Variants in NHEJ1 observed in about 807,000 individuals in gnomAD.
NHEJ1 encodes the protein non-homologous end joining factor 1.
In NHEJ1, 22 loss-of-function variants were observed where a neutral mutation model predicts 39.4. The observed-to-expected ratio is 0.56, with a 90% confidence interval of 0.40 to 0.80. The LOEUF is 0.80. Ranked by LOEUF, NHEJ1 falls within the 30% of genes least tolerant of loss-of-function variation. The probability of loss-of-function intolerance (pLI) is 0.00; values close to 1 mark genes in which losing one functional copy is unlikely to be tolerated. For synonymous variants in NHEJ1, 154 were observed against 135.6 expected, an observed-to-expected ratio of 1.14 and a Z score of -0.94; for missense variants, 329 against 357.1, an observed-to-expected ratio of 0.92 and a Z score of 0.63.
chr2:219,082,326 G>A (rs1949074814), intron 5 of NHEJ1, among the ~76,000 whole-genome samples: 1 of 152,172 alleles, frequency 6.6e-6, no homozygotes, highest in South Asian at 2.1e-4. Context: ...TGTCCCTACT[G>A]CAGCCCATCT....
At chr2:219,104,620 G>A (rs577836245) in intron 5 of NHEJ1, among the ~76,000 whole-genome samples, 15 of 152,282 alleles carry the variant, frequency 9.9e-5, no homozygotes, top group African/African-American at 3.6e-4. Flanking sequence ...ACAGAAGGTG[G>A]TAGAGAAAGA....
intron 5 of NHEJ1, among the ~76,000 whole-genome samples, chr2:219,136,805 GTTGGCCAGGCTGAT>G (rs1559199473): frequency 6.6e-6 from 1 of 151,966 alleles, no homozygotes; most frequent in East Asian, 1.9e-4. Context: ...GTTTCGCCAT[GTTGGCCAGGCTGAT>G]CTCAAACTCC....
At chr2:219,157,415 C>T (rs149818970) in intron 3 of NHEJ1, 57 bp downstream of exon 3, 85 of 1,479,308 alleles carry the variant, frequency 5.7e-5, no homozygotes, top group Non-Finnish European at 7.7e-5. Context: ...GCACCTAAAG[C>T]TTCCTCTCAA....
chr2:219,152,376 C>A (rs954050153), intron 3 of NHEJ1, among the ~76,000 whole-genome samples: 1 of 152,104 alleles, frequency 6.6e-6, no homozygotes, highest in Non-Finnish European at 1.5e-5. Context: ...GAGGCTAAAG[C>A]GGGAGAATCA....
intron 5 of NHEJ1, among the ~76,000 whole-genome samples, chr2:219,098,924 T>C (rs1174291785): frequency 1.3e-5 from 2 of 152,070 alleles, no homozygotes; most frequent in African/African-American, 4.8e-5. Flanking sequence ...AAATGGGCAA[T>C]AAAATCAGAA....
chr2:219,111,377 A>G lies in NHEJ1; in HGVS notation c.589-33171T>C, dbSNP rs570648725. 6.6e-6 allele frequency among the ~76,000 whole-genome samples: 1 copy of G among 152,330 alleles called. No homozygotes were observed. The highest frequency in any genetic ancestry group is 1.5e-5 in the Non-Finnish European group (1 of 68,022). On this transcript the variant is annotated intron_variant, in intron 5 of 7. Coordinates refer to ENST00000356853, the MANE Select transcript of NHEJ1 (RefSeq NM_024782.3). The surrounding 1 kb of genome is among the most constrained non-coding windows in gnomAD (Gnocchi z 4.1). ...GGTACAGCTTTTAAAAGAGGGGACCAGCTCTCAAATCCTGCATTCTAGAAA... is the reference window on the plus strand; with the variant it reads ...GGTACAGCTTTTAAAAGAGGGGACCGGCTCTCAAATCCTGCATTCTAGAAA...
At chr2:219,139,071 C>T (rs532002572) in intron 5 of NHEJ1, among the ~76,000 whole-genome samples, 13 of 151,988 alleles carry the variant, frequency 8.6e-5, no homozygotes, top group African/African-American at 2.2e-4. Context: ...GTCTTGGTTT[C>T]GTTTCTCATT....
At chr2:219,134,213 A>G (rs1218617894) in intron 5 of NHEJ1, among the ~76,000 whole-genome samples, 3 of 152,230 alleles carry the variant, frequency 2.0e-5, no homozygotes, top group Non-Finnish European at 4.4e-5. Context: ...TCTCCTGCAC[A>G]TGACTGTGGC....
At chr2:219,082,528 T>C (rs1278889256) in intron 5 of NHEJ1, among the ~76,000 whole-genome samples, 3 of 152,182 alleles carry the variant, frequency 2.0e-5, no homozygotes, top group Admixed American at 6.5e-5. Context: ...TCTGAGACTG[T>C]TTCAGAAAAG....
chr2:219,158,817 C>T (rs141301480), intron 1 of NHEJ1: 1 of 180,772 alleles, frequency 5.5e-6, no homozygotes, highest in African/African-American at 2.4e-5. Context: ...GTGTCAGGGC[C>T]AGGAAATTCG....
intron 3 of NHEJ1, among the ~76,000 whole-genome samples, chr2:219,154,232 A>G (rs576627218): frequency 2.0e-5 from 3 of 152,328 alleles, no homozygotes; most frequent in East Asian, 1.9e-4. Context: ...GGAAGGTACT[A>G]AACAGTGCGT....
chr2:219,141,011 C>T (rs1478714924), intron 5 of NHEJ1, among the ~76,000 whole-genome samples: 2 of 152,136 alleles, frequency 1.3e-5, no homozygotes, highest in African/African-American at 4.8e-5. Flanking sequence ...TCTGACAAAA[C>T]TACAAATTCA....
chr2:219,157,559 T>A lies in NHEJ1; in HGVS notation c.303A>T (p.Ala101=). Residue 101 remains alanine, a synonymous_variant, in exon 3 of 8, where the codon GCA becomes GCT. Transcript: ENST00000356853. The part of the protein sequence containing the change: ...SEATFSCDCV[A]DALILRVRSE... ...TTCGCACCCGTAGAATCAGTGCATC[T>A]GCCACACAATCACAGGAGAAGGTAG... The A allele has an allele frequency of 6.2e-7, 1 of 1,614,210 alleles. No individual in the cohort carries two copies. The highest frequency in any genetic ancestry group is 8.5e-7 in the Non-Finnish European group (1 of 1,180,036).
Position 219,080,584 on chromosome 2 carries a change from C to CGCTTATATATATATGCTAATATATATAA in NHEJ1, c.589-2406_589-2379dup, listed in dbSNP as rs1559185842. Among the ~76,000 whole-genome samples the CGCTTATATATATATGCTAATATATATAA allele has an allele frequency of 6.2e-5, 5 of 80,660 alleles. No individual in the cohort carries two copies. The East Asian group carries it at 1.1e-3, about 17-fold the overall frequency. 52.9% of individuals were successfully genotyped at this position (80,660 alleles called of 152,430 possible). A position where few individuals can be genotyped will look rare whatever the true frequency, so the allele number is the denominator to read the frequency against. On this transcript the variant is annotated intron_variant, in intron 5 of 7. Coordinates refer to ENST00000356853, the MANE Select transcript of NHEJ1 (RefSeq NM_024782.3). ...ATATATATATGCTTTTATATATATA[C>CGCTTATATATATATGCTAATATATATAA]GCTTATATATATATGCTAATATATA...
chr2:219,132,075 C>T (rs1459172559), intron 5 of NHEJ1, among the ~76,000 whole-genome samples: 3 of 152,216 alleles, frequency 2.0e-5, no homozygotes, highest in Admixed American at 6.5e-5. Flanking sequence ...TTGATATAGC[C>T]TTAGACTGAT....
At chr2:219,132,306 AG>A (rs1049758818) in intron 5 of NHEJ1, among the ~76,000 whole-genome samples, 4 of 152,142 alleles carry the variant, frequency 2.6e-5, no homozygotes, top group African/African-American at 7.2e-5. Flanking sequence ...CCCCAAATTT[AG>A]GGGGGGATAC....
chr2:219,141,177 C>A (rs930164841), intron 5 of NHEJ1, among the ~76,000 whole-genome samples: 1 of 152,116 alleles, frequency 6.6e-6, no homozygotes, highest in Non-Finnish European at 1.5e-5. Context: ...GTCAGGAGTT[C>A]AAGACCAGCC....
rs753767076 is a variant in NHEJ1, at chr2:219,123,361, A to AT, written c.588+23318dup. ...ATGACTGAGACTTAAGCGGAAAGCTATTCTACGACTGATGCAGTGAGAGAC... is the reference window on the plus strand; with the variant it reads ...ATGACTGAGACTTAAGCGGAAAGCTATTTCTACGACTGATGCAGTGAGAGAC... On this transcript the variant is annotated intron_variant, in intron 5 of 7. Coordinates refer to ENST00000356853, the MANE Select transcript of NHEJ1 (RefSeq NM_024782.3). Among the ~76,000 whole-genome samples the AT allele has an allele frequency of 5.9e-5, 9 of 152,370 alleles. No individual in the cohort carries two copies. The South Asian group carries it at 1.9e-3, about 32-fold the overall frequency.
chr2:219,159,540 T>TATATATGCATATATATATGC lies in NHEJ1; in HGVS notation c.-1+1179_1-1178insGCATATATATATGCATATAT, dbSNP rs1559206146. On this transcript the variant is annotated intron_variant, in intron 1 of 7. Coordinates refer to ENST00000356853, the MANE Select transcript of NHEJ1 (RefSeq NM_024782.3). ...ATATATATATGCATATATATATGCA[T>TATATATGCATATATATATGC]ATATATATATGCATATATATATGCA... 2.1e-4 allele frequency among the ~76,000 whole-genome samples: 7 copies of TATATATGCATATATATATGC among 33,046 alleles called. 2 individuals are homozygous for TATATATGCATATATATATGC. Among genetic ancestry groups the TATATATGCATATATATATGC allele is most frequent in the African/African-American group, 8.8e-4 (7 of 7,972 alleles). 21.7% of individuals were successfully genotyped at this position (33,046 alleles called of 152,430 possible). A position where few individuals can be genotyped will look rare whatever the true frequency, so the allele number is the denominator to read the frequency against.
Sources: allele counts gnomAD v4.1 joint callset (sites outside exome capture counted in the v4.1 genomes callset), GRCh38; gene constraint gnomAD v4.1.1; non-coding constraint Gnocchi (gnomAD v3.1); transcripts MANE v1.5; gene names NCBI Gene and HGNC (gene_info 2026-07-23, HGNC 2026-07-21).